The following ENOX1 variants were observed in gnomAD, a reference collection of about 807,000 sequenced individuals.
ENOX1 encodes the protein ecto-NOX disulfide-thiol exchanger 1, also known as candidate growth-related and time keeping constitutive hydroquinone (NADH) oxidase.
ENOX1 carries 42 observed loss-of-function variants against 82.5 expected under a neutral mutation model. The observed-to-expected ratio is 0.51, with a 90% CI of 0.40 to 0.66. ENOX1 has a LOEUF of 0.66. ENOX1 is among the 30% of genes least tolerant of loss of function. The probability of loss-of-function intolerance (pLI) is 0.00; values close to 1 mark genes in which losing one functional copy is unlikely to be tolerated. For missense variants in ENOX1, 608 were observed against 811.6 expected (o/e 0.75, Z 3.05); for synonymous variants, 271 against 282.2 (o/e 0.96, Z 0.40).
chr13:43,286,346 T>C (rs546850762), intron 12 of ENOX1, among the ~76,000 whole-genome samples: 1 of 152,296 alleles, frequency 6.6e-6, no homozygotes, highest in African/African-American at 2.4e-5. Flanking sequence ...TGATATAGAC[T>C]GTAAGTCAGG....
intron 2 of ENOX1, among the ~76,000 whole-genome samples, chr13:43,570,820 G>A (rs1210260925): frequency 6.6e-6 from 1 of 152,090 alleles, no homozygotes; most frequent in East Asian, 1.9e-4. Flanking sequence ...CAGCTAATGG[G>A]CAAAGCAGGA....
chr13:43,772,031 G>A (rs1016120302), intron 1 of ENOX1, among the ~76,000 whole-genome samples: 1 of 142,310 alleles, frequency 7.0e-6, no homozygotes, highest in South Asian at 2.3e-4. Flanking sequence ...TGATCCGCCC[G>A]CCTGGGCCTC....
intron 9 of ENOX1, among the ~76,000 whole-genome samples, chr13:43,340,427 A>G (rs12429770): frequency 0.017 from 2,589 of 152,292 alleles, 77 homozygotes; most frequent in East Asian, 0.087. Flanking sequence ...GATTTTCACA[A>G]TCTCGGTTGA....
At chr13:43,546,415 T>G (rs911402466) in intron 2 of ENOX1, 2 of 152,288 alleles carry the variant, frequency 1.3e-5, no homozygotes, top group African/African-American at 4.8e-5. Context: ...CCTGGTCAAC[T>G]ACAGGCACGT....
At chr13:43,428,530 A>G (rs2153612169) in intron 3 of ENOX1, among the ~76,000 whole-genome samples, 1 of 152,306 alleles carries the variant, frequency 6.6e-6, no homozygotes, top group South Asian at 2.1e-4. Flanking sequence ...AGTGAGGCGG[A>G]TGGCAAAGTA....
intron 12 of ENOX1, among the ~76,000 whole-genome samples, chr13:43,274,347 G>A (rs1434821058): frequency 6.6e-6 from 1 of 152,156 alleles, no homozygotes; most frequent in Non-Finnish European, 1.5e-5. Context: ...CAAAGTTAAT[G>A]TGCTCTTTTG....
intron 2 of ENOX1, among the ~76,000 whole-genome samples, chr13:43,667,125 T>C (rs1037971442): frequency 1.3e-5 from 2 of 152,218 alleles, no homozygotes; most frequent in African/African-American, 2.4e-5. Flanking sequence ...ATTAGAAGTC[T>C]TCAATATTCA....
intron 10 of ENOX1, among the ~76,000 whole-genome samples, chr13:43,322,816 A>C (rs1396679489): frequency 3.3e-5 from 5 of 152,236 alleles, no homozygotes; most frequent in African/African-American, 1.2e-4. Flanking sequence ...AAGATTACAT[A>C]GAAATACCTG....
intron 2 of ENOX1, among the ~76,000 whole-genome samples, chr13:43,487,680 T>C (rs1013367082): frequency 1.2e-4 from 18 of 152,184 alleles, no homozygotes; most frequent in African/African-American, 4.1e-4. Flanking sequence ...GGCTTGAGAC[T>C]CAAATCTCCA....
At chr13:43,285,002 G>A (rs1286345095) in intron 12 of ENOX1, among the ~76,000 whole-genome samples, 1 of 152,158 alleles carries the variant, frequency 6.6e-6, no homozygotes, top group Non-Finnish European at 1.5e-5. Flanking sequence ...TTACCAGATG[G>A]AAGAAGCTGC....
intron 1 of ENOX1, among the ~76,000 whole-genome samples, chr13:43,705,587 G>A (rs182998423): frequency 6.6e-6 from 1 of 151,862 alleles, no homozygotes; most frequent in Admixed American, 6.6e-5. Flanking sequence ...AGAAAATGAG[G>A]GTAATTTCAT....
chr13:43,437,092 G>A (rs1441263110), intron 3 of ENOX1, among the ~76,000 whole-genome samples: 1 of 152,156 alleles, frequency 6.6e-6, no homozygotes, highest in East Asian at 1.9e-4. Context: ...CCAAAGGGAT[G>A]TTTATAGAAC....
intron 11 of ENOX1, among the ~76,000 whole-genome samples, chr13:43,317,706 TAA>T (rs144082837): frequency 6.8e-6 from 1 of 147,170 alleles, no homozygotes; most frequent in African/African-American, 2.5e-5. Flanking sequence ...TTAGTGAAAT[TAA>T]AAAAAAAAAA....
At chr13:43,581,962 T>C (rs546437526) in intron 2 of ENOX1, among the ~76,000 whole-genome samples, 1 of 152,228 alleles carries the variant, frequency 6.6e-6, no homozygotes, top group Non-Finnish European at 1.5e-5. Context: ...TCTACATGCA[T>C]GTATATATCA....
At chr13:43,734,220 T>G (rs112526755) in intron 1 of ENOX1, among the ~76,000 whole-genome samples, 1 of 10,290 alleles carries the variant, frequency 9.7e-5, no homozygotes, top group Admixed American at 2.3e-3. Context: ...TTGTTGTTGT[T>G]GTTGTTGTTG....
chr13:43,381,942 T>A (rs892098089), intron 5 of ENOX1, among the ~76,000 whole-genome samples: 3 of 151,992 alleles, frequency 2.0e-5, no homozygotes, highest in Non-Finnish European at 4.4e-5. Context: ...GGTTAAATCT[T>A]AAGGAAAAAA....
chr13:43,472,801 G>A (rs2058124660), intron 3 of ENOX1, among the ~76,000 whole-genome samples: 1 of 152,128 alleles, frequency 6.6e-6, no homozygotes, highest in Non-Finnish European at 1.5e-5. Flanking sequence ...AAATGAAGCT[G>A]GGTACGGAAA....
intron 1 of ENOX1, among the ~76,000 whole-genome samples, chr13:43,776,841 T>C (rs1485563468): frequency 4.0e-5 from 6 of 149,058 alleles, no homozygotes; most frequent in Admixed American, 6.7e-5. Flanking sequence ...AAAAAAATCC[T>C]GCATCACCCT....
chr13:43,298,425 T>C lies in ENOX1; in HGVS notation c.1367A>G (p.Gln456Arg). The C allele has an allele frequency of 2.5e-6, 4 of 1,614,130 alleles. No individual in the cohort carries two copies. Among genetic ancestry groups the C allele is most frequent in the Non-Finnish European group, 3.4e-6 (4 of 1,180,032 alleles). Residue 456 changes from glutamine to arginine, a missense_variant, in exon 12 of 17, where the codon CAG (glutamine) becomes CGG (arginine). Gln to Arg is a conservative substitution (Grantham distance 43, BLOSUM62 1). Coordinates refer to ENST00000690772, the MANE Select transcript of ENOX1 (RefSeq NM_001347969.2). ...EVELLKQEKE[Q>R]LFRTEENLTK... ...GAGGTTTTCTTCTGTTCGGAAAAGC[T>C]GTTCTTTTTCTTGTTTCAGCAGCTC...
Sources: gnomAD v4.1 joint callset for allele counts (sites outside exome capture counted in the v4.1 genomes callset) on GRCh38, gnomAD v4.1.1 for gene constraint, MANE v1.5 for transcripts, NCBI Gene and HGNC (gene_info 2026-07-23, HGNC 2026-07-21) for gene names.